Variants in CCDC88C observed in about 807,000 individuals in gnomAD.
CCDC88C encodes protein Daple.
In CCDC88C, 131 loss-of-function variants were observed where a neutral mutation model predicts 198.8. The ratio of observed to expected loss-of-function variants is 0.66; its 90% CI spans 0.57 to 0.76. CCDC88C has a LOEUF of 0.76. Among genes scored for constraint, CCDC88C ranks in the 30% least tolerant of loss-of-function variants. The probability of loss-of-function intolerance (pLI) is 0.00; values close to 1 mark genes in which losing one functional copy is unlikely to be tolerated. For missense variants in CCDC88C, 2,553 were observed against 2,631.6 expected (o/e 0.97, Z 0.65); for synonymous variants, 1,166 against 1,114.7 (o/e 1.05, Z -0.92).
intron 2 of CCDC88C, among the ~76,000 whole-genome samples, chr14:91,415,405 A>C (rs946036719): frequency 1.3e-5 from 2 of 152,024 alleles, no homozygotes; most frequent in East Asian, 3.9e-4. Flanking sequence ...ACCATTAAAC[A>C]GCATGACATC....
At chr14:91,369,188 C>T (rs1399698081) in intron 3 of CCDC88C, among the ~76,000 whole-genome samples, 1 of 152,200 alleles carries the variant, frequency 6.6e-6, no homozygotes, top group Non-Finnish European at 1.5e-5. Flanking sequence ...AGGCCCGCCC[C>T]AAACCTTCAA....
chr14:91,332,577 A>G (rs1224176635), intron 10 of CCDC88C, among the ~76,000 whole-genome samples: 1 of 152,178 alleles, frequency 6.6e-6, no homozygotes, highest in Non-Finnish European at 1.5e-5. Flanking sequence ...GATGCACACC[A>G]ATGTGCTTTA....
At position 91,297,400 on chromosome 14, in the gene CCDC88C, G is replaced by A. The variant is rs1242536714; in HGVS notation, c.3871C>T (p.Leu1291=). ...ELKTSLNNAQ[L]ELNRWQARFD... is the part of the protein sequence containing the mutation. ...CGGGCCTGCCAGCGGTTGAGCTCCA[G>A]CTGCGCGTTGTTCAGTGAGGTTTTC... The change falls in exon 22 of 30, where the codon CTG becomes TTG. Residue 1291 remains leucine (L), a synonymous_variant. Coordinates refer to ENST00000389857, the MANE Select transcript of CCDC88C (RefSeq NM_001080414.4). 7 of 1,612,030 alleles carry A rather than the reference G, an allele frequency of 4.3e-6. No homozygotes were observed. Among genetic ancestry groups the A allele is most frequent in the Non-Finnish European group, 5.9e-6 (7 of 1,179,178 alleles).
rs531111601 is a variant in CCDC88C at position 91,385,409 on chromosome 14, C to A, written c.270+23250G>T. Among the ~76,000 whole-genome samples, 2 of 147,518 alleles carry A rather than the reference C, an allele frequency of 1.4e-5. 1 individual carries two copies. Among genetic ancestry groups the A allele is most frequent in the South Asian group, 4.6e-4 (2 of 4,304 alleles). Reference sequence around the variant, plus strand: ...GACAGCAGCACCCTGACGCATATTACGAAGGTGGGAGCCTCCTACAGCCTC... The same window carrying A: ...GACAGCAGCACCCTGACGCATATTAAGAAGGTGGGAGCCTCCTACAGCCTC... On this transcript the variant is annotated intron_variant, in intron 3 of 29. Coordinates refer to ENST00000389857, the MANE Select transcript of CCDC88C (RefSeq NM_001080414.4).
intron 4 of CCDC88C, among the ~76,000 whole-genome samples, chr14:91,357,675 A>T (rs1894101858): frequency 6.6e-6 from 1 of 152,242 alleles, no homozygotes; most frequent in Non-Finnish European, 1.5e-5. Flanking sequence ...CTCCTCCCGT[A>T]ACCAGCCCCA....
At chr14:91,296,398 C>A (rs1343589001) in intron 22 of CCDC88C, among the ~76,000 whole-genome samples, 2 of 152,262 alleles carry the variant, frequency 1.3e-5, no homozygotes, top group African/African-American at 4.8e-5. Context: ...TCCACGGGGC[C>A]TGCGCTGCAG....
intron 16 of CCDC88C, 125 bp downstream of exon 16, chr14:91,309,734 C>T: frequency 1.0e-6 from 1 of 959,160 alleles, no homozygotes; most frequent in Non-Finnish European, 1.4e-6. Context: ...GTTCAAGGAA[C>T]CGCGTGAGGT....
Position 91,272,677 on chromosome 14 carries a change from G to C in CCDC88C, c.6035C>G (p.Pro2012Arg), listed in dbSNP as rs771028975. ...GSVSKSSPAS[P>R]EPGGDPQTVW... ...GGTCTGCGGATCCCCGCCGGGCTCC[G>C]GGGAGGCCGGACTGCTCTTTGAGAC... The change falls in exon 30 of 30, where the codon CCG becomes CGG. Residue 2012 changes from proline to arginine, a missense_variant. Around this residue, in one of 2 missense-constraint regions of CCDC88C, gnomAD observed 1,293 missense variants for 1,219.6 expected, o/e 1.06. Coordinates refer to ENST00000389857, the MANE Select transcript of CCDC88C (RefSeq NM_001080414.4). 6.2e-7 allele frequency: 1 copy of C among 1,611,428 alleles called. No homozygotes were observed. Among genetic ancestry groups the C allele is most frequent in the Admixed American group, 1.7e-5 (1 of 59,974 alleles).
chr14:91,326,533 G>A (rs1014270332), intron 10 of CCDC88C, among the ~76,000 whole-genome samples: 23 of 152,034 alleles, frequency 1.5e-4, no homozygotes, highest in Non-Finnish European at 7.4e-5. Flanking sequence ...CTTTTTAATC[G>A]GGCAAGGACA....
rs61183857 is a variant in CCDC88C, at chr14:91,318,917, C to CAAAAAAAAAAAAAAA, written c.1527+2188_1527+2202dup. Among the ~76,000 whole-genome samples, 4 of 105,288 alleles carry CAAAAAAAAAAAAAAA rather than the reference C, an allele frequency of 3.8e-5. 2 individuals are homozygous for CAAAAAAAAAAAAAAA. Among genetic ancestry groups the CAAAAAAAAAAAAAAA allele is most frequent in the Non-Finnish European group, 3.7e-5 (2 of 53,406 alleles). The allele number at this position is 105,288 out of a possible 152,430, so 69.1% of individuals were successfully genotyped here. ...CTGGACAACAGAGCGAGACTCCGTC[C>CAAAAAAAAAAAAAAA]AAAAAAAAAAAAAAAAAAAAAGAAC... is the stretch of plus-strand genomic sequence containing the variant. On this transcript the variant is annotated intron_variant, in intron 13 of 29. Coordinates refer to ENST00000389857, the MANE Select transcript of CCDC88C (RefSeq NM_001080414.4).
intron 3 of CCDC88C, among the ~76,000 whole-genome samples, chr14:91,375,392 A>C (rs2139937602): frequency 6.6e-6 from 1 of 152,162 alleles, no homozygotes; most frequent in East Asian, 1.9e-4. Context: ...TGAGGCTCCG[A>C]CCTGAGGACT....
intron 3 of CCDC88C, among the ~76,000 whole-genome samples, chr14:91,360,879 C>T (rs1171009022): frequency 6.6e-6 from 1 of 152,004 alleles, no homozygotes; most frequent in Admixed American, 6.5e-5. Context: ...TGGTGGGGCA[C>T]GGTGGACACG....
chr14:91,307,459 G>A (rs556450442), intron 17 of CCDC88C, among the ~76,000 whole-genome samples: 42 of 152,226 alleles, frequency 2.8e-4, no homozygotes, highest in South Asian at 2.1e-4. Flanking sequence ...CCTGCAACCC[G>A]TTCCTGCCTC....
intron 3 of CCDC88C, among the ~76,000 whole-genome samples, chr14:91,376,425 C>A (rs889352654): frequency 2.0e-5 from 3 of 152,144 alleles, no homozygotes; most frequent in African/African-American, 7.2e-5. Context: ...GGAGCCAGGG[C>A]GTTATAGTGA....
chr14:91,417,437 G>A (rs1887125077), intron 1 of CCDC88C, 194 bp downstream of exon 1: 2 of 574,708 alleles, frequency 3.5e-6, no homozygotes, highest in Admixed American at 3.4e-5. Context: ...ACGCACAACG[G>A]GGGCGCCGGC....
At chr14:91,367,367 A>C (rs1267165258) in intron 3 of CCDC88C, among the ~76,000 whole-genome samples, 1 of 152,200 alleles carries the variant, frequency 6.6e-6, no homozygotes, top group Non-Finnish European at 1.5e-5. Flanking sequence ...GCAAAACCAC[A>C]AAGAATGCCG....
chr14:91,322,554 C>G (rs1596069812), intron 12 of CCDC88C, among the ~76,000 whole-genome samples: 1 of 152,210 alleles, frequency 6.6e-6, no homozygotes, highest in East Asian at 1.9e-4. Context: ...ACTTCAACAC[C>G]AAGCCTCAAA....
intron 3 of CCDC88C, among the ~76,000 whole-genome samples, chr14:91,402,137 G>A (rs146096035): frequency 2.0e-5 from 3 of 152,164 alleles, no homozygotes; most frequent in East Asian, 1.9e-4. Context: ...GTAGCCAGAC[G>A]TGGTGGCGCA....
At chr14:91,348,322 T>TAAAAA (rs11449969) in intron 4 of CCDC88C, among the ~76,000 whole-genome samples, 2 of 117,892 alleles carry the variant, frequency 1.7e-5, no homozygotes, top group African/African-American at 3.3e-5. Context: ...CTATCTCTAT[T>TAAAAA]AAAAAAAAAA....
Sources: gnomAD v4.1 joint callset for allele counts (sites outside exome capture counted in the v4.1 genomes callset) on GRCh38, gnomAD v4.1.1 for gene constraint, gnomAD v4.1.1 regional missense constraint, MANE v1.5 for transcripts, NCBI Gene and HGNC (gene_info 2026-07-23, HGNC 2026-07-21) for gene names.